ANKRD10: variants seen among roughly 807,000 people sequenced by gnomAD.
ANKRD10 encodes the protein ankyrin repeat domain 10.
In ANKRD10, 14 loss-of-function variants were observed where a neutral mutation model predicts 27.0. The ratio of observed to expected loss-of-function variants is 0.52; its 90% CI spans 0.34 to 0.81. The LOEUF (loss-of-function observed/expected upper bound fraction) is 0.81, where lower values mean the gene tolerates loss of function less well. Among genes scored for constraint, ANKRD10 ranks in the 40% least tolerant of loss-of-function variants. ANKRD10 has a pLI of 0.01. For synonymous variants in ANKRD10, 250 were observed against 224.5 expected, an observed-to-expected ratio of 1.11 and a Z score of -1.01; for missense variants, 493 against 544.0, an observed-to-expected ratio of 0.91 and a Z score of 0.93.
At chr13:110,886,431 A>G (rs2064931630) in intron 4 of ANKRD10, among the ~76,000 whole-genome samples, 1 of 152,216 alleles carries the variant, frequency 6.6e-6, no homozygotes, top group Non-Finnish European at 1.5e-5. Flanking sequence ...ATCTCCATAG[A>G]TACAGCCTCT....
chr13:110,909,621 G>A (rs763382963), intron 2 of ANKRD10, among the ~76,000 whole-genome samples: 10 of 152,156 alleles, frequency 6.6e-5, no homozygotes, highest in Non-Finnish European at 1.3e-4. Context: ...CATCTTTTAA[G>A]GGGACAAACT....
intron 2 of ANKRD10, among the ~76,000 whole-genome samples, chr13:110,908,056 A>G (rs540028807): frequency 5.6e-4 from 85 of 152,056 alleles, no homozygotes; most frequent in Admixed American, 1.0e-3. Flanking sequence ...GAAGGTAGCC[A>G]AGAGAAAAGA....
chr13:110,897,370 C>T (rs1179567882), intron 3 of ANKRD10, among the ~76,000 whole-genome samples: 1 of 150,356 alleles, frequency 6.7e-6, no homozygotes, highest in Non-Finnish European at 1.5e-5. Flanking sequence ...GTGATCCTCC[C>T]ACCTCAGACT....
At chr13:110,890,974 A>C (rs555269998) in intron 4 of ANKRD10, among the ~76,000 whole-genome samples, 53 of 152,332 alleles carry the variant, frequency 3.5e-4, no homozygotes, top group African/African-American at 1.3e-3. Flanking sequence ...TTTCAGGGTA[A>C]TTAAGCAATG....
intron 5 of ANKRD10, among the ~76,000 whole-genome samples, chr13:110,880,566 A>G (rs981990876): frequency 4.6e-5 from 7 of 152,188 alleles, no homozygotes; most frequent in African/African-American, 1.7e-4. Context: ...AAAATGGAAA[A>G]AAAGGTAAAT....
At chr13:110,913,563 C>T (rs1211609793) in intron 1 of ANKRD10, among the ~76,000 whole-genome samples, 1 of 152,170 alleles carries the variant, frequency 6.6e-6, no homozygotes, top group Admixed American at 6.5e-5. Context: ...GACTTTTCCA[C>T]TTTAAAAGAA....
At chr13:110,912,899 T>C (rs1376837358) in intron 1 of ANKRD10, among the ~76,000 whole-genome samples, 1 of 152,194 alleles carries the variant, frequency 6.6e-6, no homozygotes, top group Non-Finnish European at 1.5e-5. Flanking sequence ...GCCCCTTCCG[T>C]ATCTAAGACC....
rs980643820 is a variant in ANKRD10 at position 110,891,858 on chromosome 13, CTTCTTA to C, written c.691+1164_691+1169del. Among the ~76,000 whole-genome samples, 84 of 81,120 alleles carry C rather than the reference CTTCTTA, an allele frequency of 1.0e-3. No homozygotes were observed. The East Asian group carries it at 0.014, about 13-fold the overall frequency. The allele number at this position is 81,120 out of a possible 152,430, so 53.2% of individuals were successfully genotyped here. A position where few individuals can be genotyped will look rare whatever the true frequency, so the allele number is the denominator to read the frequency against. On this transcript the variant is annotated intron_variant, in intron 4 of 5. Transcript: ENST00000267339. ...ATGCCTGCCAAGCTATCACATTTAC[CTTCTTA>C]TTAAGACTTTTTTTTTTTTTTTTTT...
At chr13:110,888,295 T>C (rs2064986663) in intron 4 of ANKRD10, among the ~76,000 whole-genome samples, 2 of 151,342 alleles carry the variant, frequency 1.3e-5, no homozygotes, top group Non-Finnish European at 2.9e-5. Context: ...GCCCATGAGG[T>C]TTGCTCAAAT....
At chr13:110,888,655 A>C (rs1447823186) in intron 4 of ANKRD10, among the ~76,000 whole-genome samples, 1 of 152,150 alleles carries the variant, frequency 6.6e-6, no homozygotes, top group East Asian at 1.9e-4. Flanking sequence ...TCCTTTACCA[A>C]GTCTTTAACC....
intron 1 of ANKRD10, among the ~76,000 whole-genome samples, chr13:110,913,920 C>A (rs1331520836): frequency 6.6e-6 from 1 of 152,186 alleles, no homozygotes; most frequent in African/African-American, 2.4e-5. Context: ...CTTTTAAAAC[C>A]TTAAAGCAGC....
chr13:110,890,549 C>A (rs2065047611), intron 4 of ANKRD10, among the ~76,000 whole-genome samples: 1 of 152,200 alleles, frequency 6.6e-6, no homozygotes, highest in Non-Finnish European at 1.5e-5. Flanking sequence ...TTAGTAAAGT[C>A]ATGGTCAGTA....
At chr13:110,900,492 C>A in intron 3 of ANKRD10, 1 of 1,195,890 alleles carries the variant, frequency 8.4e-7, no homozygotes, top group Non-Finnish European at 1.1e-6. Flanking sequence ...TATCTGAATT[C>A]CTAGATTAGC....
At chr13:110,910,865 G>A in intron 1 of ANKRD10, 95 bp from the exon 2 acceptor site, 1 of 1,283,730 alleles carries the variant, frequency 7.8e-7, no homozygotes, top group Non-Finnish European at 1.1e-6. Flanking sequence ...GGTGACAAAT[G>A]GCATTGTTAC....
chr13:110,911,498 G>A (rs1301488076), intron 1 of ANKRD10, among the ~76,000 whole-genome samples: 1 of 150,834 alleles, frequency 6.6e-6, no homozygotes, highest in Non-Finnish European at 1.5e-5. Flanking sequence ...CAGGCGCAGT[G>A]CCTCATGCCT....
Position 110,883,809 on chromosome 13 carries a change from A to G in ANKRD10, c.692-16T>C. On this transcript the variant is annotated splice_polypyrimidine_tract_variant and intron_variant, in intron 4 of 5. Transcript: ENST00000267339. ...AAGCTTTGAGCTGCACAGAAAACAA[A>G]GACTATTTCAGATTCCTTTGTCTGT... 6.2e-7 allele frequency: 1 copy of G among 1,613,248 alleles called. No individual in the cohort carries two copies. Among genetic ancestry groups the G allele is most frequent in the Non-Finnish European group, 8.5e-7 (1 of 1,179,310 alleles).
intron 3 of ANKRD10, chr13:110,894,534 T>A: frequency 5.9e-6 from 1 of 170,126 alleles, no homozygotes; most frequent in South Asian, 1.6e-4. Flanking sequence ...ATCATAGAGC[T>A]CTGACCTTGG....
chr13:110,914,643 C>G, intron 1 of ANKRD10, 82 bp downstream of exon 1: 2 of 1,462,854 alleles, frequency 1.4e-6, no homozygotes, highest in South Asian at 2.7e-5. Context: ...GCACGCCCCA[C>G]GTCCCCCGCA....
Position 110,879,443 on chromosome 13 carries a change from T to G in ANKRD10, c.*194A>C, listed in dbSNP as rs1052211400. ...AAAAGGACACCTCACTGTAGAAACATCTATGCACTTAGTAAGCCCTACTCA... is the reference window on the plus strand; with the variant it reads ...AAAAGGACACCTCACTGTAGAAACAGCTATGCACTTAGTAAGCCCTACTCA... On this transcript the variant is annotated 3_prime_UTR_variant, in exon 6 of 6. Coordinates refer to ENST00000267339, the MANE Select transcript of ANKRD10 (RefSeq NM_017664.4). The G allele has an allele frequency of 7.6e-5, 45 of 590,430 alleles. 2 individuals are homozygous for G. In the South Asian group the frequency reaches 8.9e-4, roughly 12 times the overall value. 36.6% of individuals were successfully genotyped at this position (590,430 alleles called of 1,614,324 possible). A position where few individuals can be genotyped will look rare whatever the true frequency, so the allele number is the denominator to read the frequency against.
Sources: gnomAD v4.1 joint callset for allele counts (sites outside exome capture counted in the v4.1 genomes callset) on GRCh38, gnomAD v4.1.1 for gene constraint, MANE v1.5 for transcripts, NCBI Gene and HGNC (gene_info 2026-07-23, HGNC 2026-07-21) for gene names.